Variants in PRRT1B observed in about 807,000 individuals in gnomAD.
The protein encoded by PRRT1B is proline rich transmembrane protein 1B.
intron 1 of PRRT1B, among the ~76,000 whole-genome samples, chr9:131,554,243 G>A (rs184625217): frequency 4.0e-4 from 61 of 152,184 alleles, no homozygotes; most frequent in African/African-American, 1.4e-3. Flanking sequence ...GGTCCAATTA[G>A]CTTTGACATA....
At chr9:131,555,547 G>A (rs1951043566) in intron 2 of PRRT1B, among the ~76,000 whole-genome samples, 2 of 152,034 alleles carry the variant, frequency 1.3e-5, no homozygotes, top group African/African-American at 4.8e-5. Flanking sequence ...ATGGTAGTGC[G>A]CGCCTGTAGC....
chr9:131,547,693 C>T (rs1304842588), intron 1 of PRRT1B, among the ~76,000 whole-genome samples: 1 of 152,148 alleles, frequency 6.6e-6, no homozygotes, highest in East Asian at 1.9e-4. Context: ...CTCTTTGCTC[C>T]GTGAGAAAGA....
intron 1 of PRRT1B, among the ~76,000 whole-genome samples, chr9:131,549,961 T>C (rs554821261): frequency 6.6e-6 from 1 of 152,156 alleles, no homozygotes; most frequent in Admixed American, 6.6e-5. Context: ...CTCCTTTGTG[T>C]CTCCCTCTTG....
rs1307884183 is a variant in PRRT1B, at chr9:131,550,944, T to C, written c.26-3613T>C. On this transcript the variant is annotated intron_variant, in intron 1 of 3. Transcript: ENST00000636672. ...TTTCTTTTTCTTTTCTTTTTCTTTT[T>C]TTTTTTTTTTTTTTTTGAGACAGAG... Among the ~76,000 whole-genome samples, 581 of 131,788 alleles carry C rather than the reference T, an allele frequency of 4.4e-3. 4 individuals are homozygous for C. Among genetic ancestry groups the C allele is most frequent in the Non-Finnish European group, 7.5e-3 (469 of 62,676 alleles). 86.5% of individuals were successfully genotyped at this position (131,788 alleles called of 152,430 possible). A position where few individuals can be genotyped will look rare whatever the true frequency, so the allele number is the denominator to read the frequency against.
At chr9:131,556,941 ATC>A (rs1951054419) in intron 3 of PRRT1B, among the ~76,000 whole-genome samples, 2 of 151,640 alleles carry the variant, frequency 1.3e-5, no homozygotes, top group Non-Finnish European at 2.9e-5. Flanking sequence ...CCCATCCACC[ATC>A]TCTCTAGCCT....
intron 1 of PRRT1B, among the ~76,000 whole-genome samples, 188 bp from the exon 2 acceptor site, chr9:131,554,369 C>T (rs1302612274): frequency 6.6e-6 from 1 of 152,136 alleles, no homozygotes; most frequent in Non-Finnish European, 1.5e-5. Flanking sequence ...CCAGATGAGT[C>T]GCTCAGTCTG....
chr9:131,548,550 A>T (rs530854049), intron 1 of PRRT1B, among the ~76,000 whole-genome samples: 1 of 152,294 alleles, frequency 6.6e-6, no homozygotes, highest in South Asian at 2.1e-4. Context: ...GAGGTGCCTG[A>T]CATCCAGGCA....
chr9:131,557,520 G>T (rs1236046879), intron 3 of PRRT1B, among the ~76,000 whole-genome samples: 1 of 152,114 alleles, frequency 6.6e-6, no homozygotes, highest in Non-Finnish European at 1.5e-5. Context: ...CCTGTGAGAC[G>T]GAGCAAGACT....
intron 1 of PRRT1B, among the ~76,000 whole-genome samples, chr9:131,547,836 G>A (rs1214672412): frequency 1.3e-5 from 2 of 152,120 alleles, no homozygotes; most frequent in African/African-American, 2.4e-5. Context: ...TCTCCTTTCA[G>A]TCTTGGTGCC....
At chr9:131,558,882 C>A (rs888468883), downstream of PRRT1B, among the ~76,000 whole-genome samples, 1 of 152,230 alleles carries the variant, frequency 6.6e-6, no homozygotes, top group African/African-American at 2.4e-5. Context: ...CCAATGGCAA[C>A]ATCTGTCCAC....
chr9:131,549,273 A>G (rs1247759368), intron 1 of PRRT1B, among the ~76,000 whole-genome samples: 1 of 152,106 alleles, frequency 6.6e-6, no homozygotes, highest in Non-Finnish European at 1.5e-5. Flanking sequence ...AACCCCAACC[A>G]CATCTCCAGG....
exon 2 of PRRT1B, chr9:131,554,784 G>T (rs1040801488): frequency 1.2e-5 from 4 of 335,966 alleles, no homozygotes; most frequent in East Asian, 9.1e-5. Flanking sequence ...GGGCGAGGCC[G>T]GGCCGGTTTC....
At chr9:131,546,891 C>A (rs1303270464) in intron 1 of PRRT1B, among the ~76,000 whole-genome samples, 1 of 152,090 alleles carries the variant, frequency 6.6e-6, no homozygotes, top group African/African-American at 2.4e-5. Flanking sequence ...GGCAGGGACA[C>A]CATCCCGGAG....
At chr9:131,552,142 C>T (rs1049149102) in intron 1 of PRRT1B, among the ~76,000 whole-genome samples, 1 of 152,188 alleles carries the variant, frequency 6.6e-6, no homozygotes, top group Non-Finnish European at 1.5e-5. Flanking sequence ...CTTCACTTTA[C>T]AGATGAGGAA....
intron 3 of PRRT1B, among the ~76,000 whole-genome samples, chr9:131,556,623 C>T (rs75279291): frequency 0.09 from 13,684 of 151,948 alleles, 794 homozygotes; most frequent in Admixed American, 0.14. Flanking sequence ...CATCCACCCA[C>T]CCATCCACCA....
At chr9:131,555,858 ACTGAGGGCTCAGCGGGG>A (rs915352708) in intron 2 of PRRT1B, among the ~76,000 whole-genome samples, 195 bp from the exon 3 acceptor site, 5 of 151,948 alleles carry the variant, frequency 3.3e-5, no homozygotes, top group Non-Finnish European at 5.9e-5. Flanking sequence ...GCTCAGTGGG[ACTGAGGGCTCAGCGGGG>A]CTGAGTGGCC....
At position 131,551,941 on chromosome 9, in the gene PRRT1B, C is replaced by T. The variant is rs1051006539; in HGVS notation, c.26-2616C>T. ...TCTTCACACGGACACGAGTGAAACCCGCCACCACACCTGGCTAATTTTTGT... is the reference window on the plus strand; with the variant it reads ...TCTTCACACGGACACGAGTGAAACCTGCCACCACACCTGGCTAATTTTTGT... On this transcript the variant is annotated intron_variant, in intron 1 of 3. Coordinates refer to ENST00000636672, the Ensembl canonical transcript of PRRT1B. This position sits in a 1 kb window ranked among gnomAD's most constrained non-coding sequence, Gnocchi z 4.4. Among the ~76,000 whole-genome samples, 5 of 152,084 alleles carry T rather than the reference C, an allele frequency of 3.3e-5. No homozygotes were observed. The highest frequency in any genetic ancestry group is 1.9e-4 in the East Asian group (1 of 5,184).
intron 1 of PRRT1B, among the ~76,000 whole-genome samples, chr9:131,546,797 C>G (rs1950978533): frequency 6.6e-6 from 1 of 152,196 alleles, no homozygotes; most frequent in South Asian, 2.1e-4. Context: ...TTTATTTACT[C>G]TGGGGCCCTA....
At chr9:131,547,073 T>G (rs1392951771) in intron 1 of PRRT1B, among the ~76,000 whole-genome samples, 10 of 39,304 alleles carry the variant, frequency 2.5e-4, no homozygotes, top group Non-Finnish European at 5.8e-4. Flanking sequence ...CGCTTTTTTT[T>G]TTTTTTTTTT....
Sources: allele counts gnomAD v4.1 joint callset (sites outside exome capture counted in the v4.1 genomes callset), GRCh38; gene constraint gnomAD v4.1.1; non-coding constraint Gnocchi (gnomAD v3.1); transcripts MANE v1.5; gene names NCBI Gene and HGNC (gene_info 2026-07-23, HGNC 2026-07-21).